Variants in FCHSD2 observed in about 807,000 individuals in gnomAD.
FCHSD2 encodes F-BAR and double SH3 domains protein 2.
In FCHSD2, 38 loss-of-function variants were observed where a neutral mutation model predicts 108.1. That is an observed-to-expected ratio of 0.35 (90% confidence interval 0.27 to 0.46). The LOEUF (loss-of-function observed/expected upper bound fraction) is 0.46. FCHSD2 is among the 20% of genes least tolerant of loss of function. The pLI is 1.00. For synonymous variants in FCHSD2, 279 were observed against 314.7 expected (o/e 0.89, Z 1.20); for missense variants, 751 against 897.8 (o/e 0.84, Z 2.09).
At chr11:72,898,556 T>C (rs1311083377) in intron 10 of FCHSD2, among the ~76,000 whole-genome samples, 1 of 152,212 alleles carries the variant, frequency 6.6e-6, no homozygotes, top group Non-Finnish European at 1.5e-5. Flanking sequence ...CCTGAGTATA[T>C]AGTTCTCCAT....
intron 9 of FCHSD2, among the ~76,000 whole-genome samples, chr11:72,921,339 C>T (rs1855972993): frequency 6.6e-6 from 1 of 152,194 alleles, no homozygotes; most frequent in Admixed American, 6.5e-5. Flanking sequence ...TGGATCTCAA[C>T]ACTTTTAAAT....
chr11:72,845,522 G>A (rs1290955831), intron 14 of FCHSD2, among the ~76,000 whole-genome samples: 1 of 150,958 alleles, frequency 6.6e-6, no homozygotes, highest in Non-Finnish European at 1.5e-5. Flanking sequence ...TGCAGCACTA[G>A]TTGTCCAATG....
chr11:73,121,917 T>C (rs1312472607), intron 2 of FCHSD2, among the ~76,000 whole-genome samples: 3 of 152,164 alleles, frequency 2.0e-5, no homozygotes, highest in Non-Finnish European at 4.4e-5. Flanking sequence ...GTCTAGGAAA[T>C]ACACTTGGAA....
chr11:72,934,141 T>C (rs1856252371), intron 8 of FCHSD2, among the ~76,000 whole-genome samples: 1 of 143,098 alleles, frequency 7.0e-6, no homozygotes, highest in Non-Finnish European at 1.5e-5. Context: ...AAAAGAGCTA[T>C]TTAAAGCTTA....
At chr11:73,051,417 T>C (rs1212500383) in intron 3 of FCHSD2, among the ~76,000 whole-genome samples, 1 of 152,220 alleles carries the variant, frequency 6.6e-6, no homozygotes, top group Non-Finnish European at 1.5e-5. Flanking sequence ...TAATTTATAA[T>C]TTAATATTTT....
chr11:73,053,820 T>TAACA (rs1858958909), intron 3 of FCHSD2, among the ~76,000 whole-genome samples: 1 of 152,218 alleles, frequency 6.6e-6, no homozygotes, highest in South Asian at 2.1e-4. Flanking sequence ...TATCTTCAAG[T>TAACA]AACAACATTT....
At position 72,849,747 on chromosome 11, in the gene FCHSD2, A is replaced by T. The variant is rs759747779; in HGVS notation, c.1443+8T>A. 1.2e-6 allele frequency: 2 copies of T among 1,603,864 alleles called. No individual in the cohort carries two copies. Among genetic ancestry groups the T allele is most frequent in the Non-Finnish European group, 1.7e-6 (2 of 1,172,252 alleles). On this transcript the variant is annotated splice_region_variant and intron_variant, in intron 14 of 19. Transcript: ENST00000409418. ...AATTTAATAACATTATGTTGGAGAA[A>T]TACAAACCTTGTAGGAATAAACAAC... is the stretch of plus-strand genomic sequence containing the variant.
intron 12 of FCHSD2, among the ~76,000 whole-genome samples, chr11:72,873,730 G>T (rs1367210603): frequency 6.6e-6 from 1 of 151,764 alleles, no homozygotes; most frequent in Non-Finnish European, 1.5e-5. Context: ...TATTCATTTT[G>T]AGTTAGTTTG....
intron 2 of FCHSD2, among the ~76,000 whole-genome samples, chr11:73,117,325 A>T (rs551890980): frequency 2.0e-5 from 3 of 152,336 alleles, no homozygotes; most frequent in African/African-American, 2.4e-5. Context: ...ACAATCAGGC[A>T]ATCTGGTTCA....
intron 6 of FCHSD2, among the ~76,000 whole-genome samples, chr11:72,987,222 C>G (rs1189609054): frequency 2.0e-5 from 3 of 152,192 alleles, no homozygotes; most frequent in Non-Finnish European, 4.4e-5. Context: ...CTTCCCCTTC[C>G]TGATCTTCCT....
chr11:72,984,663 A>G (rs1857278390), intron 7 of FCHSD2, among the ~76,000 whole-genome samples: 1 of 152,198 alleles, frequency 6.6e-6, no homozygotes, highest in African/African-American at 2.4e-5. Context: ...TTACTTAATC[A>G]GGCATTCCAC....
chr11:73,015,325 T>C (rs1308597194), intron 4 of FCHSD2, among the ~76,000 whole-genome samples: 1 of 152,234 alleles, frequency 6.6e-6, no homozygotes, highest in Non-Finnish European at 1.5e-5. Flanking sequence ...CTAAAATAAG[T>C]ATTATGCTAA....
chr11:72,936,883 T>G (rs901304108), intron 8 of FCHSD2, among the ~76,000 whole-genome samples: 4 of 152,230 alleles, frequency 2.6e-5, no homozygotes, highest in Non-Finnish European at 5.9e-5. Context: ...ATATTAAAAA[T>G]AGGCGATTTA....
chr11:73,025,703 G>C (rs535579437), intron 3 of FCHSD2, among the ~76,000 whole-genome samples: 1 of 152,112 alleles, frequency 6.6e-6, no homozygotes, highest in Admixed American at 6.5e-5. Flanking sequence ...CTTGGAATTA[G>C]TTTGTAGAAT....
intron 8 of FCHSD2, among the ~76,000 whole-genome samples, chr11:72,962,716 T>TA (rs952588595): frequency 1.5e-4 from 22 of 151,222 alleles, no homozygotes; most frequent in East Asian, 5.8e-4. Context: ...CTTTGTAATT[T>TA]AAAAAATACC....
chr11:72,890,232 G>A (rs181827318), intron 10 of FCHSD2, among the ~76,000 whole-genome samples: 10 of 152,160 alleles, frequency 6.6e-5, no homozygotes, highest in African/African-American at 2.2e-4. Flanking sequence ...TTATCTTTCC[G>A]AGTGGGAAGG....
intron 8 of FCHSD2, among the ~76,000 whole-genome samples, chr11:72,941,772 G>C (rs1856424169): frequency 6.6e-6 from 1 of 152,064 alleles, no homozygotes; most frequent in Admixed American, 6.6e-5. Flanking sequence ...TCTTTTCAGA[G>C]GGCAATCAGC....
In FCHSD2 at chr11:73,140,148, TA is replaced by T; in HGVS notation, c.22-21del. ...TTTCACCTAAAATATACCATATATTTATGAAGGTCTTTTTACAAATTTAACC... is the reference window on the plus strand; with the variant it reads ...TTTCACCTAAAATATACCATATATTTTGAAGGTCTTTTTACAAATTTAACC... On this transcript the variant is annotated intron_variant, in intron 1 of 19. Transcript: ENST00000409418. 2 of 1,404,192 alleles carry T rather than the reference TA, an allele frequency of 1.4e-6. No homozygotes were observed. Among genetic ancestry groups the T allele is most frequent in the South Asian group, 1.3e-5 (1 of 75,902 alleles). The allele number at this position is 1,404,192 out of a possible 1,614,324, so 87.0% of individuals were successfully genotyped here.
intron 12 of FCHSD2, among the ~76,000 whole-genome samples, chr11:72,868,765 GA>G (rs889717481): frequency 6.7e-6 from 1 of 150,022 alleles, no homozygotes; most frequent in East Asian, 1.9e-4. Context: ...TACTTAAAAG[GA>G]AAAAAAATCA....
Sources: allele counts gnomAD v4.1 joint callset (sites outside exome capture counted in the v4.1 genomes callset), GRCh38; gene constraint gnomAD v4.1.1; transcripts MANE v1.5; gene names NCBI Gene and HGNC (gene_info 2026-07-23, HGNC 2026-07-21).